Variants in LRRTM4 observed in about 807,000 individuals in gnomAD.
The protein encoded by LRRTM4 is leucine-rich repeat transmembrane neuronal protein 4.
Under a neutral mutation model 47.6 loss-of-function variants are expected in LRRTM4, and 25 were observed. The ratio of observed to expected loss-of-function variants is 0.53; its 90% confidence interval spans 0.38 to 0.73. The LOEUF (loss-of-function observed/expected upper bound fraction) is 0.73. LRRTM4 is among the 30% of genes least tolerant of loss of function. LRRTM4 has a pLI of 0.00. For missense variants in LRRTM4, 638 were observed against 713.4 expected, an observed-to-expected ratio of 0.89 and a Z score of 1.20; for synonymous variants, 311 against 269.5, an observed-to-expected ratio of 1.15 and a Z score of -1.51.
chr2:76,974,529 T>TAC (rs762264256), intron 3 of LRRTM4, among the ~76,000 whole-genome samples: 4 of 150,992 alleles, frequency 2.6e-5, no homozygotes, highest in African/African-American at 4.8e-5. Flanking sequence ...GATACACACA[T>TAC]ATAGTGTATA....
intron 3 of LRRTM4, among the ~76,000 whole-genome samples, chr2:76,884,228 T>C (rs189731825): frequency 1.2e-4 from 18 of 152,298 alleles, no homozygotes; most frequent in African/African-American, 4.3e-4. Flanking sequence ...GAAGGAGATA[T>C]TTCCAAAACT....
At chr2:77,010,990 C>T (rs763880522) in intron 3 of LRRTM4, among the ~76,000 whole-genome samples, 8 of 151,896 alleles carry the variant, frequency 5.3e-5, no homozygotes, top group Admixed American at 2.6e-4. Flanking sequence ...ATTATTCATC[C>T]ATATAGGAGA....
intron 3 of LRRTM4, among the ~76,000 whole-genome samples, chr2:77,343,422 T>C (rs1671446757): frequency 6.6e-6 from 1 of 151,980 alleles, no homozygotes; most frequent in African/African-American, 2.4e-5. Flanking sequence ...GATTTTATTT[T>C]ATGTATATTA....
At chr2:77,064,703 T>C (rs1679897872) in intron 3 of LRRTM4, among the ~76,000 whole-genome samples, 1 of 152,230 alleles carries the variant, frequency 6.6e-6, no homozygotes, top group South Asian at 2.1e-4. Context: ...TTAGATTTGC[T>C]TGATGCTTTT....
At chr2:77,444,932 T>TTC (rs1675989049) in intron 3 of LRRTM4, among the ~76,000 whole-genome samples, 1 of 122,010 alleles carries the variant, frequency 8.2e-6, no homozygotes, top group Non-Finnish European at 1.7e-5. Context: ...TCCTTTATTT[T>TTC]ACACACACAC....
chr2:77,333,976 G>A (rs1041927243), intron 3 of LRRTM4, among the ~76,000 whole-genome samples: 9 of 152,180 alleles, frequency 5.9e-5, no homozygotes, highest in Non-Finnish European at 1.2e-4. Flanking sequence ...TGACCTGAAT[G>A]TGAGACATGA....
chr2:76,817,865 C>T (rs897119940), intron 3 of LRRTM4, among the ~76,000 whole-genome samples: 1 of 151,920 alleles, frequency 6.6e-6, no homozygotes, highest in Non-Finnish European at 1.5e-5. Context: ...TAGTACCTTT[C>T]CTGTGAAAAG....
intron 3 of LRRTM4, among the ~76,000 whole-genome samples, chr2:77,366,872 C>A (rs1350751381): frequency 6.6e-6 from 1 of 151,806 alleles, no homozygotes. Flanking sequence ...CTGTGTTGGT[C>A]GTTTAGCCCC....
At chr2:77,259,454 G>T (rs1675859084) in intron 3 of LRRTM4, among the ~76,000 whole-genome samples, 1 of 151,912 alleles carries the variant, frequency 6.6e-6, no homozygotes, top group Non-Finnish European at 1.5e-5. Context: ...CATTTTTGAG[G>T]GCTATCTATG....
intron 3 of LRRTM4, among the ~76,000 whole-genome samples, chr2:76,954,596 AAGAG>A (rs1214288765): frequency 4.0e-5 from 6 of 151,834 alleles, no homozygotes; most frequent in Non-Finnish European, 7.4e-5. Context: ...GACGAAGAAG[AAGAG>A]AGAAAGGGCC....
intron 3 of LRRTM4, among the ~76,000 whole-genome samples, chr2:76,867,654 C>T (rs1672504256): frequency 6.6e-6 from 1 of 152,178 alleles, no homozygotes; most frequent in African/African-American, 2.4e-5. Flanking sequence ...TAGCAATATA[C>T]TCCATCACTG....
At chr2:76,945,577 A>C (rs1675295466) in intron 3 of LRRTM4, among the ~76,000 whole-genome samples, 1 of 152,028 alleles carries the variant, frequency 6.6e-6, no homozygotes, top group South Asian at 2.1e-4. Flanking sequence ...TTTTAACCTA[A>C]ATATATATTA....
intron 3 of LRRTM4, among the ~76,000 whole-genome samples, chr2:77,112,505 A>G (rs912474003): frequency 3.2e-4 from 48 of 152,222 alleles, no homozygotes; most frequent in African/African-American, 1.1e-3. Context: ...TGCTTCTGCA[A>G]TTAATAAATC....
chr2:77,406,222 G>A (rs1475050787), intron 3 of LRRTM4, among the ~76,000 whole-genome samples: 1 of 152,014 alleles, frequency 6.6e-6, no homozygotes, highest in Non-Finnish European at 1.5e-5. Flanking sequence ...CTAGAGTCTG[G>A]ACAAATAATC....
intron 3 of LRRTM4, among the ~76,000 whole-genome samples, chr2:77,432,171 T>C (rs537326243): frequency 6.6e-6 from 1 of 152,218 alleles, no homozygotes; most frequent in Non-Finnish European, 1.5e-5. Flanking sequence ...AGCCTGAGAA[T>C]AATCTTTGAC....
At chr2:77,506,036 A>G (rs1248071119) in intron 3 of LRRTM4, among the ~76,000 whole-genome samples, 1 of 151,692 alleles carries the variant, frequency 6.6e-6, no homozygotes, top group Non-Finnish European at 1.5e-5. Flanking sequence ...CATGGAATTT[A>G]GTGGTTGGAG....
chr2:77,255,787 T>C (rs1020089120), intron 3 of LRRTM4, among the ~76,000 whole-genome samples: 1 of 152,026 alleles, frequency 6.6e-6, no homozygotes, highest in African/African-American at 2.4e-5. Flanking sequence ...AAAGATAAAT[T>C]TATAGCATTA....
chr2:77,067,640 A>G (rs980977016), intron 3 of LRRTM4, among the ~76,000 whole-genome samples: 1 of 151,954 alleles, frequency 6.6e-6, no homozygotes, highest in African/African-American at 2.4e-5. Context: ...ACATATTATG[A>G]AAAACATAAA....
intron 3 of LRRTM4, among the ~76,000 whole-genome samples, chr2:77,163,883 A>G (rs779808085): frequency 6.6e-6 from 1 of 152,238 alleles, no homozygotes; most frequent in Non-Finnish European, 1.5e-5. Context: ...CTTCAATGCT[A>G]GGAAGAAACT....
Sources: gnomAD v4.1 joint callset for allele counts (sites outside exome capture counted in the v4.1 genomes callset) on GRCh38, gnomAD v4.1.1 for gene constraint, MANE v1.5 for transcripts, NCBI Gene and HGNC (gene_info 2026-07-23, HGNC 2026-07-21) for gene names.